GPM6B: variants seen among roughly 807,000 people sequenced by gnomAD.
GPM6B encodes the protein neuronal membrane glycoprotein M6-b.
A neutral mutation model predicts 27.2 loss-of-function variants in GPM6B; 4 were observed. The ratio of observed to expected loss-of-function variants is 0.15; its 90% CI spans 0.07 to 0.34. GPM6B has a LOEUF of 0.34. Ranked by LOEUF, GPM6B falls within the 10% of genes least tolerant of loss-of-function variation. The pLI is 1.00. For missense variants in GPM6B, 183 were observed against 261.9 expected (o/e 0.70, Z 2.08); for synonymous variants, 124 against 103.1 (o/e 1.20, Z -1.23).
intron 1 of GPM6B, among the ~76,000 whole-genome samples, chrX:13,852,773 C>CTTTTTT (rs386416656): frequency 2.2e-5 from 2 of 89,012 alleles, no homozygotes; most frequent in Non-Finnish European, 4.3e-5. Context: ...ACAACAAAAA[C>CTTTTTT]TTTTTTTTTT....
intron 2 of GPM6B, among the ~76,000 whole-genome samples, chrX:13,806,590 G>T (rs1029453794): frequency 6.3e-5 from 7 of 111,910 alleles, no homozygotes; most frequent in African/African-American, 2.0e-4. Context: ...TCCAACGTCA[G>T]ATTTCATTTT....
chrX:13,889,132 G>A (rs1029143557), intron 1 of GPM6B: 40 of 110,890 alleles, frequency 3.6e-4, no homozygotes, highest in African/African-American at 1.3e-3. Context: ...CTGAATCCTT[G>A]TGATGTGGCC....
intron 1 of GPM6B, among the ~76,000 whole-genome samples, chrX:13,868,771 A>G (rs907737885): frequency 6.2e-5 from 7 of 112,227 alleles, no homozygotes; most frequent in African/African-American, 2.3e-4. Context: ...CACTTATTCA[A>G]TAAAGCAATT....
intron 1 of GPM6B, among the ~76,000 whole-genome samples, chrX:13,892,352 T>A (rs2050196005): frequency 9.0e-6 from 1 of 111,593 alleles, no homozygotes; most frequent in African/African-American, 3.3e-5. Flanking sequence ...TCTCCATAAA[T>A]ATGCTCTCAC....
intron 1 of GPM6B, among the ~76,000 whole-genome samples, chrX:13,836,921 C>T (rs1023286661): frequency 8.2e-5 from 9 of 110,283 alleles, no homozygotes; most frequent in Non-Finnish European, 1.3e-4. Flanking sequence ...AAAATCAATG[C>T]GCTTTCCTGC....
intron 1 of GPM6B, among the ~76,000 whole-genome samples, chrX:13,825,075 T>C (rs994050780): frequency 1.8e-5 from 2 of 112,024 alleles, no homozygotes; most frequent in South Asian, 3.8e-4. Context: ...ACCAGTCACA[T>C]TGGACTGGGG....
At chrX:13,901,852 A>C (rs893375857) in intron 1 of GPM6B, among the ~76,000 whole-genome samples, 11 of 112,049 alleles carry the variant, frequency 9.8e-5, no homozygotes, top group Admixed American at 9.5e-5. Flanking sequence ...GATGCTTTGA[A>C]ATCCTAAGTC....
chrX:13,840,554 T>C (rs1028145284), intron 1 of GPM6B, among the ~76,000 whole-genome samples: 6 of 111,542 alleles, frequency 5.4e-5, no homozygotes, highest in African/African-American at 2.0e-4. Flanking sequence ...ACTTGGAAGC[T>C]AGCACTCCCT....
At chrX:13,796,590 C>T (rs961232095) in intron 2 of GPM6B, among the ~76,000 whole-genome samples, 2 of 112,241 alleles carry the variant, frequency 1.8e-5, no homozygotes, top group Non-Finnish European at 3.8e-5. Context: ...TCAGTTCTCA[C>T]GTCTTTCATG....
intron 1 of GPM6B, among the ~76,000 whole-genome samples, chrX:13,843,142 G>A (rs1569252939): frequency 1.8e-5 from 2 of 112,093 alleles, no homozygotes; most frequent in African/African-American, 6.5e-5. Context: ...ACCATTAGGA[G>A]CTTTCTCCAT....
At chrX:13,908,485 C>G (rs768757418) in intron 1 of GPM6B, among the ~76,000 whole-genome samples, 1 of 112,192 alleles carries the variant, frequency 8.9e-6, no homozygotes, top group African/African-American at 3.2e-5. Flanking sequence ...CAAGGAAAAA[C>G]TTAGGAACTA....
intron 1 of GPM6B, among the ~76,000 whole-genome samples, chrX:13,930,586 C>T (rs1158547215): frequency 9.1e-6 from 1 of 109,323 alleles, no homozygotes; most frequent in African/African-American, 3.3e-5. Context: ...TGCACTCCAG[C>T]CTGGGTAACA....
chrX:13,879,573 C>A (rs536095157), intron 1 of GPM6B, among the ~76,000 whole-genome samples: 1 of 112,317 alleles, frequency 8.9e-6, no homozygotes, highest in African/African-American at 3.2e-5. Flanking sequence ...AACAAAAGAA[C>A]CTAAATAAAA....
Position 13,774,411 on chromosome X carries a change from T to C in GPM6B, c.838-1381A>G, listed in dbSNP as rs2077259386. On this transcript the variant is annotated intron_variant, in intron 7 of 7. Transcript: ENST00000316715. ...AGTAAGTCATCTTATTAATCTACCATGCAAGGTGAGTTTACTAAAGCTATT... is the reference window on the plus strand; with the variant it reads ...AGTAAGTCATCTTATTAATCTACCACGCAAGGTGAGTTTACTAAAGCTATT... The C allele has an allele frequency of 1.2e-5, 13 of 1,111,106 alleles. No homozygotes were observed. In the South Asian group the frequency reaches 2.8e-4, roughly 24 times the overall value. The allele number at this position is 1,111,106 out of a possible 1,213,427, so 91.6% of individuals were successfully genotyped here.
At chrX:13,773,548 A>G (rs567235262) in intron 7 of GPM6B, 1 of 112,037 alleles carries the variant, frequency 8.9e-6, no homozygotes. Flanking sequence ...AAAATTAAGA[A>G]CTATAAGCAA....
chrX:13,783,503 A>G lies in GPM6B; in HGVS notation c.387T>C (p.Tyr129=), dbSNP rs2048555212. The G allele has an allele frequency of 8.3e-7, 1 of 1,200,404 alleles. No homozygotes were observed. Among genetic ancestry groups the G allele is most frequent in the Non-Finnish European group, 1.1e-6 (1 of 888,802 alleles). Residue 129 remains tyrosine, a synonymous_variant, in exon 4 of 8, where the codon TAT becomes TAC. Coordinates refer to ENST00000316715, the MANE Select transcript of GPM6B (RefSeq NM_001001995.3). ...LLSEVIQLMQ[Y]VIYGIASFFF... ...AAAAGGACGCAATTCCATAGATGAC[A>G]TACTGCATCAGTTGTATCCTACAAA... is the stretch of plus-strand genomic sequence containing the variant.
chrX:13,872,958 C>G (rs2049995679), intron 1 of GPM6B, among the ~76,000 whole-genome samples: 1 of 110,803 alleles, frequency 9.0e-6, no homozygotes. Flanking sequence ...TTATGCTAGT[C>G]TCGACCCTAG....
At chrX:13,847,503 C>T (rs772479673) in intron 1 of GPM6B, among the ~76,000 whole-genome samples, 1 of 112,017 alleles carries the variant, frequency 8.9e-6, no homozygotes, top group South Asian at 3.7e-4. Flanking sequence ...GCCTCCTCCT[C>T]AGCATCACCC....
At chrX:13,808,491 T>C (rs192208870) in intron 1 of GPM6B, among the ~76,000 whole-genome samples, 1 of 111,690 alleles carries the variant, frequency 9.0e-6, no homozygotes, top group East Asian at 2.8e-4. Context: ...TCTTAGGGGA[T>C]TGCAAAGAAA....
Sources: allele counts gnomAD v4.1 joint callset (sites outside exome capture counted in the v4.1 genomes callset), GRCh38; gene constraint gnomAD v4.1.1; transcripts MANE v1.5; gene names NCBI Gene and HGNC (gene_info 2026-07-23, HGNC 2026-07-21).